PTPN14: variants seen among roughly 807,000 people sequenced by gnomAD.
PTPN14 encodes tyrosine-protein phosphatase non-receptor type 14.
In PTPN14, 53 loss-of-function variants were observed where a neutral mutation model predicts 126.8. That is an observed-to-expected ratio of 0.42 (90% CI 0.34 to 0.53). PTPN14 has a LOEUF of 0.53. Ranked by LOEUF, PTPN14 falls within the 20% of genes least tolerant of loss-of-function variation. The pLI is 0.08. For missense variants in PTPN14, 1,257 were observed against 1,552.9 expected, an observed-to-expected ratio of 0.81 and a Z score of 3.20; for synonymous variants, 630 against 599.3, an observed-to-expected ratio of 1.05 and a Z score of -0.75.
chr1:214,370,607 C>G (rs1027333887), intron 16 of PTPN14, among the ~76,000 whole-genome samples: 1 of 152,222 alleles, frequency 6.6e-6, no homozygotes, highest in African/African-American at 2.4e-5. Context: ...TTAGTTCAAT[C>G]TACAACTAGA....
intron 14 of PTPN14, among the ~76,000 whole-genome samples, chr1:214,377,746 C>G (rs572140568): frequency 6.6e-6 from 1 of 152,096 alleles, no homozygotes; most frequent in East Asian, 1.9e-4. Flanking sequence ...CAATGATCTG[C>G]CAACCGGACA....
intron 1 of PTPN14, among the ~76,000 whole-genome samples, chr1:214,477,777 C>A (rs968768101): frequency 1.3e-5 from 2 of 152,130 alleles, no homozygotes; most frequent in African/African-American, 4.8e-5. Context: ...AAGTGGGACT[C>A]TTAGCTCTTA....
chr1:214,532,635 T>A (rs1655583298), intron 1 of PTPN14: 1 of 886,174 alleles, frequency 1.1e-6, no homozygotes, highest in Admixed American at 1.7e-5. Flanking sequence ...CCTGCATCGT[T>A]CTGCAGACTG....
intron 3 of PTPN14, among the ~76,000 whole-genome samples, chr1:214,442,195 T>C (rs1436340527): frequency 1.3e-5 from 2 of 152,146 alleles, no homozygotes; most frequent in African/African-American, 4.8e-5. Flanking sequence ...TAGTACCCCT[T>C]ATGCAAAATG....
chr1:214,357,021 T>C lies in PTPN14; in HGVS notation c.*901A>G, dbSNP rs796535139. ...CTCCTTTCTCTTTCTAGGTCTGCTA[T>C]CCTCTCTCAATCAGGGTAGAGCCTT... On this transcript the variant is annotated 3_prime_UTR_variant, in exon 19 of 19. Transcript: ENST00000366956. 2.2e-4 allele frequency: 34 copies of C among 152,380 alleles called. No homozygotes were observed. The highest frequency in any genetic ancestry group is 7.0e-4 in the African/African-American group (29 of 41,570). 9.4% of individuals were successfully genotyped at this position (152,380 alleles called of 1,614,324 possible).
Position 214,384,969 on chromosome 1 carries a change from GAAAGA to G in PTPN14, c.1067-186_1067-182del, listed in dbSNP as rs1658574660. 6.6e-6 allele frequency among the ~76,000 whole-genome samples: 1 copy of G among 152,154 alleles called. No individual in the cohort carries two copies. The highest frequency in any genetic ancestry group is 1.5e-5 in the Non-Finnish European group (1 of 68,026). ...ATCTTGGATGAAATGCCAACATACA[GAAAGA>G]ACACCTTAAGACATACTGAAAAGAA... is the stretch of plus-strand genomic sequence containing the variant. On this transcript the variant is annotated intron_variant, in intron 12 of 18. Transcript: ENST00000366956. This position sits in a 1 kb window ranked among gnomAD's most constrained non-coding sequence, Gnocchi z 5.3.
chr1:214,391,691 C>T (rs1421330543), intron 10 of PTPN14, among the ~76,000 whole-genome samples: 1 of 126,202 alleles, frequency 7.9e-6, no homozygotes, highest in Non-Finnish European at 1.6e-5. Flanking sequence ...TTCCCTCATT[C>T]TCAGTGTTAC....
chr1:214,384,530 G>A lies in PTPN14; in HGVS notation c.1325C>T (p.Thr442Ile), dbSNP rs1306972265. Residue 442 changes from threonine to isoleucine, a missense_variant, in exon 13 of 19, where the codon ACC becomes ATC. Physicochemically the swap from Thr to Ile is moderately conservative, Grantham distance 89. Transcript: ENST00000366956. The surrounding 1 kb of genome is among the most constrained non-coding windows in gnomAD (Gnocchi z 5.3). ...SAIIVPSYRPTPDYETVMRQM... is the reference protein window; with the variant it reads ...SAIIVPSYRPIPDYETVMRQM... ...GCGCATGACTGTCTCATAATCGGGGGTTGGCCTGTACGAGGGCACGATGAT... is the reference window on the plus strand; with the variant it reads ...GCGCATGACTGTCTCATAATCGGGGATTGGCCTGTACGAGGGCACGATGAT... 3 of 1,614,146 alleles carry A rather than the reference G, an allele frequency of 1.9e-6. No individual in the cohort carries two copies. Among genetic ancestry groups the A allele is most frequent in the East Asian group, 4.5e-5 (2 of 44,868 alleles).
intron 2 of PTPN14, among the ~76,000 whole-genome samples, chr1:214,453,394 C>T (rs1157440188): frequency 6.6e-6 from 1 of 152,182 alleles, no homozygotes; most frequent in African/African-American, 2.4e-5. Flanking sequence ...AGTCCATCTC[C>T]CATCTTTTGC....
At chr1:214,423,001 T>C (rs1194509293) in intron 3 of PTPN14, among the ~76,000 whole-genome samples, 3 of 152,172 alleles carry the variant, frequency 2.0e-5, no homozygotes, top group East Asian at 1.9e-4. Flanking sequence ...ATGGAAAGAA[T>C]AGAATTTCCT....
At chr1:214,528,002 C>T (rs1231472475) in intron 1 of PTPN14, among the ~76,000 whole-genome samples, 2 of 152,142 alleles carry the variant, frequency 1.3e-5, no homozygotes, top group East Asian at 1.9e-4. Flanking sequence ...TACTGAGCAC[C>T]TACCAAGGAT....
chr1:214,453,767 A>G (rs985538984), intron 2 of PTPN14, among the ~76,000 whole-genome samples: 3 of 152,210 alleles, frequency 2.0e-5, no homozygotes, highest in Non-Finnish European at 4.4e-5. Flanking sequence ...CTGGGAGTCA[A>G]TGAGAAAAAG....
chr1:214,407,508 AAAG>A (rs1659198235), intron 5 of PTPN14, among the ~76,000 whole-genome samples: 1 of 152,172 alleles, frequency 6.6e-6, no homozygotes, highest in African/African-American at 2.4e-5. Flanking sequence ...AAAAAAAAAA[AAAG>A]AATGAATGGA....
chr1:214,477,808 T>C (rs1053856159), intron 1 of PTPN14, among the ~76,000 whole-genome samples: 4 of 152,214 alleles, frequency 2.6e-5, no homozygotes, highest in African/African-American at 9.6e-5. Flanking sequence ...GACTTAACTA[T>C]GTACAATTTC....
At chr1:214,429,811 T>G (rs1194785481) in intron 3 of PTPN14, among the ~76,000 whole-genome samples, 2 of 152,204 alleles carry the variant, frequency 1.3e-5, no homozygotes, top group Non-Finnish European at 2.9e-5. Context: ...ACAAAATAAT[T>G]TTAGGAAGTA....
chr1:214,391,008 T>A lies in PTPN14; in HGVS notation c.967A>T (p.Thr323Ser). Residue 323 changes from threonine to serine, a missense_variant, in exon 11 of 19, where the codon ACC becomes TCC. Physicochemically the swap from Thr to Ser is moderately conservative, Grantham distance 58. Transcript: ENST00000366956. ...CATACCAGAGAGGATCGGCTCCAGG[T>A]GGGCTGGCGTCTGATGGGGGGTGGA... ...NSPPPIRRQP[T>S]WSRSSLPRQQ... 6.3e-7 allele frequency: 1 copy of A among 1,585,888 alleles called. No individual in the cohort carries two copies.
intron 1 of PTPN14, among the ~76,000 whole-genome samples, chr1:214,474,552 T>C (rs1660828115): frequency 6.6e-6 from 1 of 152,210 alleles, no homozygotes; most frequent in Non-Finnish European, 1.5e-5. Context: ...AAACTCCCTG[T>C]AGTAAATAGG....
At chr1:214,407,382 G>T (rs1571980438) in intron 5 of PTPN14, among the ~76,000 whole-genome samples, 1 of 152,154 alleles carries the variant, frequency 6.6e-6, no homozygotes, top group African/African-American at 2.4e-5. Context: ...CAAAAAATTA[G>T]CTGGGCATGG....
intron 2 of PTPN14, among the ~76,000 whole-genome samples, chr1:214,458,034 T>G (rs1341651924): frequency 9.2e-5 from 12 of 130,298 alleles, no homozygotes; most frequent in African/African-American, 3.5e-4. Context: ...TCTATATCTA[T>G]ACCTAGAGAG....
Sources: allele counts gnomAD v4.1 joint callset (sites outside exome capture counted in the v4.1 genomes callset), GRCh38; gene constraint gnomAD v4.1.1; non-coding constraint Gnocchi (gnomAD v3.1); transcripts MANE v1.5; gene names NCBI Gene and HGNC (gene_info 2026-07-23, HGNC 2026-07-21).